The following ANKRD44 variants were observed in gnomAD, a reference collection of about 807,000 sequenced individuals.
ANKRD44 encodes serine/threonine-protein phosphatase 6 regulatory ankyrin repeat subunit B.
ANKRD44 carries 35 observed loss-of-function variants against 116.0 expected under a neutral mutation model. The observed-to-expected ratio is 0.30, with a 90% confidence interval of 0.23 to 0.40. The LOEUF (loss-of-function observed/expected upper bound fraction) is 0.40. ANKRD44 is among the 10% of genes least tolerant of loss of function. ANKRD44 has a pLI of 1.00. For missense variants in ANKRD44, 1,014 were observed against 1,242.6 expected (o/e 0.82, Z 2.77); for synonymous variants, 435 against 461.8 (o/e 0.94, Z 0.74).
chr2:197,139,404 T>G (rs899117753), intron 3 of ANKRD44, among the ~76,000 whole-genome samples: 6 of 152,148 alleles, frequency 3.9e-5, no homozygotes, highest in African/African-American at 1.4e-4. Flanking sequence ...AATGAACAAA[T>G]CAAGCTGCAG....
chr2:197,118,615 A>AAGAAAGAGAGAGAGAG (rs1553512529), intron 8 of ANKRD44, among the ~76,000 whole-genome samples: 1 of 76,398 alleles, frequency 1.3e-5, no homozygotes, highest in African/African-American at 7.2e-5. Context: ...GAGAGAAAGA[A>AAGAAAGAGAGAGAGAG]AGAGAGAGAG....
chr2:196,990,948 G>C (rs1441040804), intron 27 of ANKRD44: 1 of 1,232,126 alleles, frequency 8.1e-7, no homozygotes, highest in Non-Finnish European at 1.0e-6. Context: ...ATGCAGACAA[G>C]GCAGTGGTTA....
intron 3 of ANKRD44, among the ~76,000 whole-genome samples, chr2:197,141,899 T>C (rs970164036): frequency 6.6e-6 from 1 of 152,230 alleles, no homozygotes; most frequent in Non-Finnish European, 1.5e-5. Context: ...GTTTTGGCTA[T>C]GAATTGAATA....
intron 1 of ANKRD44, among the ~76,000 whole-genome samples, chr2:197,252,815 C>T (rs903943659): frequency 2.0e-5 from 3 of 152,084 alleles, no homozygotes; most frequent in African/African-American, 4.8e-5. Context: ...AGGCAAAAGA[C>T]CTGTATTTAC....
intron 16 of ANKRD44, among the ~76,000 whole-genome samples, chr2:197,075,119 T>A (rs949334942): frequency 6.6e-6 from 1 of 152,124 alleles, no homozygotes; most frequent in Non-Finnish European, 1.5e-5. Context: ...CTGAAAGTAA[T>A]CAGAGGCCTA....
At chr2:197,046,270 C>T (rs1182822768) in intron 16 of ANKRD44, among the ~76,000 whole-genome samples, 2 of 152,022 alleles carry the variant, frequency 1.3e-5, no homozygotes, top group Non-Finnish European at 2.9e-5. Context: ...TGAATATTCA[C>T]GATGATTTCC....
At chr2:197,240,793 T>A (rs2082074781) in intron 1 of ANKRD44, among the ~76,000 whole-genome samples, 1 of 145,966 alleles carries the variant, frequency 6.9e-6, no homozygotes, top group Non-Finnish European at 1.5e-5. Context: ...TAACCAAATC[T>A]CACAGTTCGA....
chr2:197,117,945 C>T (rs1412966650), intron 8 of ANKRD44, among the ~76,000 whole-genome samples: 1 of 152,122 alleles, frequency 6.6e-6, no homozygotes, highest in Non-Finnish European at 1.5e-5. Context: ...GGTGCAGTGG[C>T]TCATGCCTGT....
chr2:197,187,079 C>T lies in ANKRD44; in HGVS notation c.55G>A (p.Gly19Ser), dbSNP rs1431046272. The change falls in exon 2 of 28, where the codon GGT becomes AGT. Residue 19 changes from glycine to serine, a missense_variant. Coordinates refer to ENST00000282272, the MANE Select transcript of ANKRD44 (RefSeq NM_001195144.2). The stretch of plus-strand genomic sequence containing the variant: ...AGCATCCGGATCTCCTCTGGATCAC[C>T]GCTGAAGATTGCCTGAACCAATGGT... ...QPPLVQAIFS[G>S]DPEEIRMLIH... 11 of 1,614,104 alleles carry T rather than the reference C, an allele frequency of 6.8e-6. No homozygotes were observed. The East Asian group carries it at 8.9e-5, about 13-fold the overall frequency.
At chr2:197,016,291 G>C (rs752138225) in intron 17 of ANKRD44, among the ~76,000 whole-genome samples, 1 of 152,074 alleles carries the variant, frequency 6.6e-6, no homozygotes, top group African/African-American at 2.4e-5. Context: ...TTTATCTGTC[G>C]TAGCTTTATC....
At chr2:197,096,571 G>C (rs2078165411) in intron 10 of ANKRD44, among the ~76,000 whole-genome samples, 1 of 152,176 alleles carries the variant, frequency 6.6e-6, no homozygotes, top group Admixed American at 6.5e-5. Flanking sequence ...ATCAAGGGCT[G>C]ACATTTATTT....
At chr2:197,092,814 A>C (rs1489788414) in intron 10 of ANKRD44, among the ~76,000 whole-genome samples, 1 of 151,728 alleles carries the variant, frequency 6.6e-6, no homozygotes. Context: ...TGCTTATGCT[A>C]TTATTTATAT....
chr2:197,191,706 A>C (rs2080828269), intron 1 of ANKRD44, among the ~76,000 whole-genome samples: 1 of 152,326 alleles, frequency 6.6e-6, no homozygotes, highest in Non-Finnish European at 1.5e-5. Flanking sequence ...TAAGGAAGTA[A>C]GGTAATTGAA....
At chr2:197,250,116 T>C (rs764795902) in intron 1 of ANKRD44, among the ~76,000 whole-genome samples, 1 of 152,198 alleles carries the variant, frequency 6.6e-6, no homozygotes, top group Non-Finnish European at 1.5e-5. Context: ...CTAGGCTCAG[T>C]AGGTCAGTGA....
intron 2 of ANKRD44, among the ~76,000 whole-genome samples, chr2:197,172,205 T>C (rs1198774399): frequency 1.3e-5 from 2 of 152,106 alleles, no homozygotes; most frequent in Non-Finnish European, 2.9e-5. Flanking sequence ...CTTCACCATA[T>C]TGGCCAGGCT....
At chr2:197,230,047 C>T (rs17390362) in intron 1 of ANKRD44, among the ~76,000 whole-genome samples, 51,589 of 151,604 alleles carry the variant, frequency 0.34, 10,782 homozygotes, top group East Asian at 0.62. Context: ...CAAGCAAAGA[C>T]GGAATGATGG....
chr2:197,164,132 G>T (rs1039619854), intron 2 of ANKRD44, among the ~76,000 whole-genome samples: 1 of 152,216 alleles, frequency 6.6e-6, no homozygotes, highest in Non-Finnish European at 1.5e-5. Flanking sequence ...CAGCCCTGTC[G>T]CTGGGCTAGA....
chr2:197,018,719 C>CA (rs1332167401), intron 17 of ANKRD44, among the ~76,000 whole-genome samples: 1 of 152,204 alleles, frequency 6.6e-6, no homozygotes, highest in Non-Finnish European at 1.5e-5. Flanking sequence ...ACACAGTAGA[C>CA]ACTCAATACT....
intron 1 of ANKRD44, among the ~76,000 whole-genome samples, chr2:197,295,205 C>T (rs1232794283): frequency 3.3e-5 from 5 of 152,206 alleles, no homozygotes; most frequent in Non-Finnish European, 1.5e-5. Flanking sequence ...ACTTAGGTAA[C>T]ACTAGGACTG....
Sources: gnomAD v4.1 joint callset for allele counts (sites outside exome capture counted in the v4.1 genomes callset) on GRCh38, gnomAD v4.1.1 for gene constraint, MANE v1.5 for transcripts, NCBI Gene and HGNC (gene_info 2026-07-23, HGNC 2026-07-21) for gene names.